The following PTPRD variants were observed in gnomAD, a reference collection of about 807,000 sequenced individuals.
PTPRD encodes protein tyrosine phosphatase receptor type D.
A neutral mutation model predicts 214.5 loss-of-function variants in PTPRD; 34 were observed. That is an observed-to-expected ratio of 0.16 (90% CI 0.12 to 0.21). The LOEUF (loss-of-function observed/expected upper bound fraction) is 0.21. Ranked by LOEUF, PTPRD falls within the 10% of genes least tolerant of loss-of-function variation. PTPRD has a pLI of 1.00. For missense variants in PTPRD, 2,545 were observed against 2,398.7 expected, an observed-to-expected ratio of 1.06 and a Z score of -1.27; for synonymous variants, 1,128 against 845.7, an observed-to-expected ratio of 1.33 and a Z score of -5.79.
intron 5 of PTPRD, among the ~76,000 whole-genome samples, chr9:9,866,788 T>G (rs2064071563): frequency 6.6e-6 from 1 of 152,142 alleles, no homozygotes; most frequent in African/African-American, 2.4e-5. Context: ...TAAAATATGT[T>G]AAGTCTTTAA....
intron 3 of PTPRD, among the ~76,000 whole-genome samples, chr9:10,330,988 T>A (rs1003082031): frequency 2.6e-5 from 4 of 151,820 alleles, no homozygotes. Flanking sequence ...TTCATCCTTG[T>A]GGATTTCAGT....
chr9:10,386,878 G>A (rs550507442), intron 2 of PTPRD, among the ~76,000 whole-genome samples: 3 of 151,796 alleles, frequency 2.0e-5, no homozygotes, highest in East Asian at 3.9e-4. Flanking sequence ...ATGACATTAA[G>A]ATAGAAAGAT....
At chr9:9,873,588 T>G (rs535610259) in intron 5 of PTPRD, among the ~76,000 whole-genome samples, 120 of 152,300 alleles carry the variant, frequency 7.9e-4, no homozygotes, top group Non-Finnish European at 1.4e-3. Context: ...GCTCCCTTCC[T>G]GCATTCTACA....
At chr9:10,084,946 A>T (rs988162500) in intron 3 of PTPRD, among the ~76,000 whole-genome samples, 1 of 151,930 alleles carries the variant, frequency 6.6e-6, no homozygotes, top group African/African-American at 2.4e-5. Flanking sequence ...AACACACAGG[A>T]TGATAGCATG....
At chr9:10,260,617 C>A (rs2093628939) in intron 3 of PTPRD, among the ~76,000 whole-genome samples, 2 of 152,146 alleles carry the variant, frequency 1.3e-5, no homozygotes, top group African/African-American at 4.8e-5. Flanking sequence ...ATGTCTAAAT[C>A]TGTAGTCATG....
At chr9:9,876,024 T>A (rs181011646) in intron 5 of PTPRD, among the ~76,000 whole-genome samples, 2 of 151,942 alleles carry the variant, frequency 1.3e-5, no homozygotes, top group African/African-American at 2.4e-5. Context: ...TAATTCATTA[T>A]TGTAAGAAAA....
intron 23 of PTPRD, among the ~76,000 whole-genome samples, chr9:8,501,405 G>T (rs546575846): frequency 6.6e-6 from 1 of 152,136 alleles, no homozygotes; most frequent in East Asian, 1.9e-4. Flanking sequence ...CCACTATACT[G>T]ACTACCCAGC....
chr9:8,886,212 G>T (rs74554074), intron 11 of PTPRD, among the ~76,000 whole-genome samples: 6,783 of 152,156 alleles, frequency 0.045, 515 homozygotes, highest in African/African-American at 0.15. Context: ...TGAAATTTTT[G>T]ATTTTCATAC....
intron 10 of PTPRD, among the ~76,000 whole-genome samples, chr9:9,049,603 T>C (rs1481326285): frequency 6.6e-6 from 1 of 152,086 alleles, no homozygotes; most frequent in Non-Finnish European, 1.5e-5. Flanking sequence ...AACGTTCCGA[T>C]GTTTATTTGT....
At chr9:10,024,579 A>G (rs2096884524) in intron 4 of PTPRD, among the ~76,000 whole-genome samples, 1 of 151,982 alleles carries the variant, frequency 6.6e-6, no homozygotes, top group African/African-American at 2.4e-5. Context: ...CACATTTCCA[A>G]TTTTGTCCAA....
chr9:8,483,587 C>A (rs1214398884), intron 30 of PTPRD, among the ~76,000 whole-genome samples: 2 of 152,090 alleles, frequency 1.3e-5, no homozygotes, highest in African/African-American at 4.8e-5. Context: ...CCGGTCTCTA[C>A]TAAAAATACA....
At chr9:10,551,919 C>T (rs2061447169) in intron 2 of PTPRD, among the ~76,000 whole-genome samples, 1 of 152,176 alleles carries the variant, frequency 6.6e-6, no homozygotes, top group Admixed American at 6.5e-5. Context: ...GTTACTACTT[C>T]AAGTACTCCC....
At chr9:9,397,272 A>G (rs1043826095) in intron 9 of PTPRD, among the ~76,000 whole-genome samples, 177 bp downstream of exon 9, 2 of 152,048 alleles carry the variant, frequency 1.3e-5, no homozygotes, top group African/African-American at 4.8e-5. Context: ...GTTGAAAACT[A>G]AAGTCTTACT....
chr9:8,493,048 C>T lies in PTPRD; in HGVS notation c.2350-69G>A, dbSNP rs570742895. 276 of 1,311,828 alleles carry T rather than the reference C, an allele frequency of 2.1e-4. No homozygotes were observed. The African/African-American group carries it at 3.2e-3, about 15-fold the overall frequency. 81.3% of individuals were successfully genotyped at this position (1,311,828 alleles called of 1,614,324 possible). ...TAATGCTCTGGGGGAAAAACAAGGC[C>T]GTCTGCCTTCATTCTGCAAATGCTC... On this transcript the variant is annotated intron_variant, in intron 26 of 45. Coordinates refer to ENST00000381196, the MANE Select transcript of PTPRD (RefSeq NM_002839.4).
Position 9,387,446 on chromosome 9 carries a change from C to T in PTPRD, c.-203+10003G>A, listed in dbSNP as rs377110554. 4.6e-5 allele frequency among the ~76,000 whole-genome samples: 7 copies of T among 151,992 alleles called. No homozygotes were observed. The South Asian group carries it at 1.5e-3, about 32-fold the overall frequency. ...CATTTATTCGTTTCCCCTTTTATAC[C>T]TAGAGTACAGACTTTTTTCTTTTTA... On this transcript the variant is annotated intron_variant, in intron 9 of 45. Transcript: ENST00000381196.
At chr9:10,344,259 T>A (rs1439224460) in intron 2 of PTPRD, among the ~76,000 whole-genome samples, 3 of 152,066 alleles carry the variant, frequency 2.0e-5, no homozygotes, top group African/African-American at 7.2e-5. Flanking sequence ...CTAGCCAGTT[T>A]TCCCAGCACC....
At chr9:10,287,872 G>A (rs950863102) in intron 3 of PTPRD, among the ~76,000 whole-genome samples, 1 of 151,900 alleles carries the variant, frequency 6.6e-6, no homozygotes, top group African/African-American at 2.4e-5. Context: ...CCAACATAGT[G>A]TTTTGCCAGA....
In PTPRD at chr9:8,894,621, A is replaced by C. The variant is rs188395610; in HGVS notation, c.-104+124076T>G. 8.8e-4 allele frequency among the ~76,000 whole-genome samples: 134 copies of C among 152,262 alleles called. 1 individual carries two copies. Among genetic ancestry groups the C allele is most frequent in the Middle Eastern group, 6.8e-3 (2 of 294 alleles). The stretch of plus-strand genomic sequence containing the variant: ...ATTTTTGGTTGCACAGGTGTTTTCA[A>C]CTTATGAAAAGTCATTAAACTGTAC... On this transcript the variant is annotated intron_variant, in intron 11 of 45. Coordinates refer to ENST00000381196, the MANE Select transcript of PTPRD (RefSeq NM_002839.4).
At chr9:8,913,661 C>A (rs78535739) in intron 11 of PTPRD, among the ~76,000 whole-genome samples, 4 of 152,126 alleles carry the variant, frequency 2.6e-5, no homozygotes, top group African/African-American at 9.7e-5. Flanking sequence ...TTAAGGCAAA[C>A]TTTCCCTACC....
Sources: gnomAD v4.1 joint callset for allele counts (sites outside exome capture counted in the v4.1 genomes callset) on GRCh38, gnomAD v4.1.1 for gene constraint, MANE v1.5 for transcripts, NCBI Gene and HGNC (gene_info 2026-07-23, HGNC 2026-07-21) for gene names.